The following LPIN1 variants were observed in gnomAD, a reference collection of about 807,000 sequenced individuals.
LPIN1 encodes the protein lipin 1.
A neutral mutation model predicts 107.5 loss-of-function variants in LPIN1; 71 were observed. That is an observed-to-expected ratio of 0.66 (90% confidence interval 0.55 to 0.80). The LOEUF is 0.80. LPIN1 is among the 30% of genes least tolerant of loss of function. LPIN1 has a pLI of 0.00. For synonymous variants in LPIN1, 445 were observed against 452.6 expected (o/e 0.98, Z 0.21); for missense variants, 1,043 against 1,160.6 (o/e 0.90, Z 1.47).
intron 3 of LPIN1, among the ~76,000 whole-genome samples, chr2:11,769,471 A>G (rs1035846297): frequency 3.3e-5 from 5 of 151,974 alleles, no homozygotes; most frequent in African/African-American, 1.2e-4. Flanking sequence ...TATATTCTAG[A>G]TACAAGTCCC....
At chr2:11,743,094 G>A (rs548654490), upstream of LPIN1, among the ~76,000 whole-genome samples, 7 of 152,310 alleles carry the variant, frequency 4.6e-5, no homozygotes, top group East Asian at 3.9e-4. The surrounding 1 kb of genome is among the most constrained non-coding windows in gnomAD (Gnocchi z 4.7). Flanking sequence ...CAGTTTTTAC[G>A]CGATCACAAC....
In LPIN1 at chr2:11,753,274, A is replaced by G. The variant is rs559352271; in HGVS notation, c.-10+6603A>G. On this transcript the variant is annotated intron_variant, in intron 1 of 20. Transcript: ENST00000674199. Reference sequence around the variant, plus strand: ...TCATCACTTTTGTCAGGAAGTATTGAAAGACCTTTAAAAGGCCTCTGACTT... The same window carrying G: ...TCATCACTTTTGTCAGGAAGTATTGGAAGACCTTTAAAAGGCCTCTGACTT... 3.9e-5 allele frequency among the ~76,000 whole-genome samples: 6 copies of G among 152,270 alleles called. No individual in the cohort carries two copies. The South Asian group carries it at 1.2e-3, about 32-fold the overall frequency.
chr2:11,722,961 G>A (rs962548350), upstream of LPIN1, among the ~76,000 whole-genome samples: 3 of 152,162 alleles, frequency 2.0e-5, no homozygotes, highest in Admixed American at 6.5e-5. Context: ...CAAATCCCAC[G>A]CTGTTACTAG....
intron 4 of LPIN1, among the ~76,000 whole-genome samples, chr2:11,772,112 C>T (rs997775003): frequency 3.3e-5 from 5 of 152,094 alleles, no homozygotes; most frequent in Non-Finnish European, 5.9e-5. Flanking sequence ...CAACAGGGTT[C>T]GTGCTCCTGT....
intron 4 of LPIN1, among the ~76,000 whole-genome samples, chr2:11,772,780 G>A (rs781433508): frequency 1.3e-5 from 2 of 152,056 alleles, no homozygotes; most frequent in East Asian, 1.9e-4. Context: ...TACATAATTC[G>A]GTATAATTTT....
In LPIN1 at chr2:11,677,664, G is replaced by A. The variant is rs751777983; in HGVS notation, c.17G>A (p.Gly6Asp). ...GGGCGGGCCATGGGGGAACAGGACG[G>A]CATTCGCAGCTCCAGCTGGGAGACC... The change falls in exon 1 of 22, where the codon GGC becomes GAC. Residue 6 changes from glycine to aspartate, a missense_variant. Physicochemically the swap from Gly to Asp is moderately conservative, Grantham distance 94. Transcript: ENST00000449576. The A allele has an allele frequency of 4.6e-6, 7 of 1,535,518 alleles. No homozygotes were observed. The South Asian group carries it at 7.1e-5, about 16-fold the overall frequency.
chr2:11,801,448 G>A (rs548444822), intron 14 of LPIN1, among the ~76,000 whole-genome samples: 1 of 152,214 alleles, frequency 6.6e-6, no homozygotes, highest in Non-Finnish European at 1.5e-5. Context: ...CCTGTCATTT[G>A]TGGCAACGTG....
At chr2:11,818,353 T>C (rs1288022411) in intron 18 of LPIN1, 1 of 152,270 alleles carries the variant, frequency 6.6e-6, no homozygotes, top group Non-Finnish European at 1.5e-5. Flanking sequence ...TATATTTCAG[T>C]AAAGTTTTAT....
rs369296779 is a variant in LPIN1, at chr2:11,771,338, G to A, written c.289-34G>A. 8 of 1,608,164 alleles carry A rather than the reference G, an allele frequency of 5.0e-6. No homozygotes were observed. The South Asian group carries it at 6.6e-5, about 13-fold the overall frequency. On this transcript the variant is annotated intron_variant, in intron 3 of 20. Transcript: ENST00000674199. This position sits in a 1 kb window ranked among gnomAD's most constrained non-coding sequence, Gnocchi z 4.8. ...CCCTGCTTCTTATACCTGAATTAAC[G>A]AGGCTCTTTTTAGAAAATGTGTTCT...
intron 1 of LPIN1, among the ~76,000 whole-genome samples, chr2:11,752,924 G>A (rs1190168949): frequency 3.3e-5 from 5 of 152,170 alleles, no homozygotes; most frequent in South Asian, 2.1e-4. Context: ...TAATTTAATC[G>A]TGAGGCAAGA....
intron 15 of LPIN1, 70 bp from the exon 16 acceptor site, chr2:11,804,353 A>G: frequency 6.4e-7 from 1 of 1,564,626 alleles, no homozygotes; most frequent in South Asian, 1.1e-5. Context: ...CTCATAGAAC[A>G]GAAGCCAAAT....
chr2:11,825,084 G>T lies in LPIN1; in HGVS notation c.*293G>T, dbSNP rs1424115753. ...GACGCTGCCTTTCCGGCCTGCTCCA[G>T]CAAGTAGCTACTGGTTCACGTGCAG... On this transcript the variant is annotated 3_prime_UTR_variant, in exon 21 of 21. Coordinates refer to ENST00000674199, the MANE Select transcript of LPIN1 (RefSeq NM_001349206.2). This position sits in a 1 kb window ranked among gnomAD's most constrained non-coding sequence, Gnocchi z 4.1. 2.2e-6 allele frequency: 1 copy of T among 446,060 alleles called. No individual in the cohort carries two copies. Among genetic ancestry groups the T allele is most frequent in the East Asian group, 4.5e-5 (1 of 22,032 alleles). 27.6% of individuals were successfully genotyped at this position (446,060 alleles called of 1,614,324 possible). A position where few individuals can be genotyped will look rare whatever the true frequency, so the allele number is the denominator to read the frequency against.
At chr2:11,784,857 C>T in intron 9 of LPIN1, 29 bp from the exon 10 acceptor site, 1 of 1,611,092 alleles carries the variant, frequency 6.2e-7, no homozygotes. Flanking sequence ...CAGTCCTCAG[C>T]CGGTCTCTGC....
chr2:11,778,145 C>CG (rs952474437), intron 6 of LPIN1, among the ~76,000 whole-genome samples: 4 of 151,524 alleles, frequency 2.6e-5, no homozygotes, highest in African/African-American at 9.7e-5. Context: ...CGTGGGGGGG[C>CG]CCACGTGCCT....
chr2:11,688,467 A>T (rs1048304746), intron 1 of LPIN1, among the ~76,000 whole-genome samples: 1 of 152,110 alleles, frequency 6.6e-6, no homozygotes, highest in African/African-American at 2.4e-5. Flanking sequence ...GGCTGGGAGG[A>T]TCCAGTTTCC....
intron 20 of LPIN1, 57 bp from the exon 21 acceptor site, chr2:11,824,575 C>A: frequency 6.3e-7 from 1 of 1,585,442 alleles, no homozygotes; most frequent in Non-Finnish European, 8.7e-7. Context: ...CTACGTGCAG[C>A]CCTGGGTGCA....
chr2:11,760,300 A>C (rs991446148), intron 1 of LPIN1, among the ~76,000 whole-genome samples: 4 of 152,256 alleles, frequency 2.6e-5, no homozygotes, highest in African/African-American at 7.2e-5. Flanking sequence ...CAGAGGCTGC[A>C]ATCTCGGCAC....
At chr2:11,760,376 C>G (rs1461240969) in intron 1 of LPIN1, among the ~76,000 whole-genome samples, 2 of 152,250 alleles carry the variant, frequency 1.3e-5, no homozygotes, top group East Asian at 3.8e-4. Context: ...CGTCACTGCA[C>G]TCCAGCCTGG....
chr2:11,685,289 G>A (rs1009932439), intron 1 of LPIN1, among the ~76,000 whole-genome samples: 5 of 152,316 alleles, frequency 3.3e-5, no homozygotes, highest in African/African-American at 9.6e-5. Context: ...AGGAGATGGT[G>A]TGAGAGCGGT....
Sources: allele counts gnomAD v4.1 joint callset (sites outside exome capture counted in the v4.1 genomes callset), GRCh38; gene constraint gnomAD v4.1.1; non-coding constraint Gnocchi (gnomAD v3.1); transcripts MANE v1.5; gene names NCBI Gene and HGNC (gene_info 2026-07-23, HGNC 2026-07-21).